The following RADX variants were observed in gnomAD, a reference collection of about 807,000 sequenced individuals.
RADX encodes the protein RPA1 related single stranded DNA binding protein, X-linked.
In RADX, 36 loss-of-function variants were observed where a neutral mutation model predicts 61.6. The ratio of observed to expected loss-of-function variants is 0.58; its 90% confidence interval spans 0.45 to 0.77. The LOEUF (loss-of-function observed/expected upper bound fraction) is 0.77, where lower values mean the gene tolerates loss of function less well. RADX is among the 30% of genes least tolerant of loss of function. RADX has a pLI of 0.00. For synonymous variants in RADX, 272 were observed against 237.9 expected (o/e 1.14, Z -1.32); for missense variants, 497 against 651.1 (o/e 0.76, Z 2.58).
intron 1 of RADX, among the ~76,000 whole-genome samples, chrX:106,620,818 G>GAAC (rs1463172463): frequency 8.9e-6 from 1 of 111,988 alleles, no homozygotes; most frequent in Non-Finnish European, 1.9e-5. Flanking sequence ...TTTTGATAAT[G>GAAC]AACACATTTA....
At chrX:106,658,067 A>G (rs1927992388) in intron 11 of RADX, among the ~76,000 whole-genome samples, 1 of 111,557 alleles carries the variant, frequency 9.0e-6, no homozygotes, top group African/African-American at 3.3e-5. Context: ...AAATACCCCA[A>G]GTAAAAAGTG....
intron 1 of RADX, among the ~76,000 whole-genome samples, chrX:106,613,855 T>C (rs1926737108): frequency 8.9e-6 from 1 of 112,434 alleles, no homozygotes; most frequent in South Asian, 3.7e-4. Context: ...CTCTAAATGT[T>C]GATCACTTTA....
At chrX:106,618,901 A>T (rs773073503) in intron 1 of RADX, among the ~76,000 whole-genome samples, 30 of 111,894 alleles carry the variant, frequency 2.7e-4, no homozygotes, top group Non-Finnish European at 4.7e-4. Flanking sequence ...GTATATAGCT[A>T]AGACTGCCTT....
intron 3 of RADX, among the ~76,000 whole-genome samples, chrX:106,629,955 A>G (rs1239562696): frequency 1.8e-5 from 2 of 112,268 alleles, no homozygotes; most frequent in Non-Finnish European, 3.8e-5. Context: ...AGATACACAA[A>G]AAGCTTTTAT....
intron 11 of RADX, among the ~76,000 whole-genome samples, chrX:106,657,198 C>A (rs1927961876): frequency 8.9e-6 from 1 of 112,181 alleles, no homozygotes. Flanking sequence ...CTTTCTTAAA[C>A]CTCATGAACC....
Position 106,650,601 on chromosome X carries a change from G to A in RADX, c.1978+2215G>A, listed in dbSNP as rs1006958621. 3.6e-5 allele frequency among the ~76,000 whole-genome samples: 4 copies of A among 111,282 alleles called. No homozygotes were observed. The South Asian group carries it at 1.5e-3, about 42-fold the overall frequency. On this transcript the variant is annotated intron_variant, in intron 11 of 13. Coordinates refer to ENST00000372548, the MANE Select transcript of RADX (RefSeq NM_018015.6). ...TTATTATTTTTATAATTTTTTTATA[G>A]AGATAGTGTCTCACTATGTTTCCCA...
At chrX:106,663,430 T>A (rs959557122) in intron 12 of RADX, among the ~76,000 whole-genome samples, 12 of 111,421 alleles carry the variant, frequency 1.1e-4, no homozygotes, top group African/African-American at 3.9e-4. Context: ...CTTCAAGTAG[T>A]TCATCAACTT....
rs777621516 is a variant in RADX, at chrX:106,640,566, C to A, written c.1749C>A (p.Pro583=). ...ATTGGTTTTAGAATGCTAACAGACC[C>A]TCGACCTCTCAAGCAGCTAGAGTAG... The part of the protein sequence containing the change: ...ASETLRNANR[P]STSQAARVEI... The change falls in exon 10 of 14, where the codon CCC becomes CCA. Residue 583 remains proline, a synonymous_variant. Coordinates refer to ENST00000372548, the MANE Select transcript of RADX (RefSeq NM_018015.6). The A allele has an allele frequency of 1.7e-6, 2 of 1,191,964 alleles. No individual in the cohort carries two copies. Among genetic ancestry groups the A allele is most frequent in the African/African-American group, 3.5e-5 (2 of 56,856 alleles).
intron 10 of RADX, among the ~76,000 whole-genome samples, chrX:106,646,301 G>A (rs1927658979): frequency 9.0e-6 from 1 of 110,684 alleles, no homozygotes. Context: ...TTTTGCATAT[G>A]AGAAGGACAG....
intron 10 of RADX, among the ~76,000 whole-genome samples, chrX:106,645,061 G>T (rs1927623360): frequency 9.0e-6 from 1 of 111,010 alleles, no homozygotes; most frequent in Non-Finnish European, 1.9e-5. Flanking sequence ...TCATATGGTT[G>T]TACATAGTAG....
intron 12 of RADX, among the ~76,000 whole-genome samples, chrX:106,667,891 T>C (rs1179750630): frequency 1.8e-5 from 2 of 111,636 alleles, no homozygotes; most frequent in Non-Finnish European, 3.8e-5. Flanking sequence ...ATTAATGATA[T>C]ATATCTAAGT....
At chrX:106,617,306 G>A (rs1235559991) in intron 1 of RADX, among the ~76,000 whole-genome samples, 3 of 110,545 alleles carry the variant, frequency 2.7e-5, no homozygotes, top group Non-Finnish European at 5.7e-5. Context: ...GATTACAGCC[G>A]TGAGCCACTG....
intron 9 of RADX, 95 bp downstream of exon 9, chrX:106,639,782 T>C (rs746505721): frequency 2.9e-6 from 2 of 682,061 alleles, no homozygotes; most frequent in African/African-American, 4.6e-5. Context: ...CTCACGTGTA[T>C]TGACTCTTAA....
rs766677315 is a variant in RADX, at chrX:106,678,228, C to A, written c.2538C>A (p.His846Gln). 47 of 1,169,182 alleles carry A rather than the reference C, an allele frequency of 4.0e-5. No individual in the cohort carries two copies. The highest frequency in any genetic ancestry group is 4.7e-6 in the Non-Finnish European group (4 of 859,028). The change falls in exon 14 of 14, where the codon CAC (histidine) becomes CAA (glutamine). Residue 846 changes from histidine to glutamine, a missense_variant. His to Gln is a conservative substitution (Grantham distance 24, BLOSUM62 0). Around this residue, in one of 3 missense-constraint regions of RADX, gnomAD observed 267 missense variants for 306.9 expected, o/e 0.87. Transcript: ENST00000372548. ...LGNNKVEVYL[H>Q]KIYSPENTS ...ATAATAAAGTGGAAGTCTATTTGCA[C>A]AAGATTTATAGTCCAGAGAATACTT...
intron 11 of RADX, among the ~76,000 whole-genome samples, chrX:106,658,908 G>A (rs965140473): frequency 7.2e-5 from 8 of 110,423 alleles, no homozygotes; most frequent in Non-Finnish European, 1.3e-4. Context: ...TAGCAAGAAG[G>A]AGAGGCAAAG....
intron 8 of RADX, 94 bp downstream of exon 8, chrX:106,638,018 A>C: frequency 1.4e-6 from 1 of 733,131 alleles, no homozygotes; most frequent in East Asian, 3.4e-5. Flanking sequence ...CTTTTCTTTT[A>C]TGGGAGTGAT....
chrX:106,613,454 G>A (rs1204155282), intron 1 of RADX, among the ~76,000 whole-genome samples: 1 of 111,459 alleles, frequency 9.0e-6, no homozygotes, highest in Non-Finnish European at 1.9e-5. Context: ...TGAAATTAAG[G>A]GGAATGATAG....
chrX:106,659,589 A>G (rs927445917), intron 11 of RADX, among the ~76,000 whole-genome samples: 1 of 111,756 alleles, frequency 8.9e-6, no homozygotes, highest in Non-Finnish European at 1.9e-5. Context: ...AATATTCAAA[A>G]AAAACTAGTT....
intron 10 of RADX, among the ~76,000 whole-genome samples, chrX:106,647,931 C>T (rs1224609404): frequency 9.0e-6 from 1 of 110,502 alleles, no homozygotes; most frequent in African/African-American, 3.3e-5. Flanking sequence ...AATCCCTTGT[C>T]AGATGAGTAG....
Sources: gnomAD v4.1 joint callset for allele counts (sites outside exome capture counted in the v4.1 genomes callset) on GRCh38, gnomAD v4.1.1 for gene constraint, gnomAD v4.1.1 regional missense constraint, MANE v1.5 for transcripts, NCBI Gene and HGNC (gene_info 2026-07-23, HGNC 2026-07-21) for gene names.